Variants in RRN3 observed in about 807,000 individuals in gnomAD.
The protein encoded by RRN3 is RNA polymerase I transcription factor RRN3.
In RRN3, 38 loss-of-function variants were observed where a neutral mutation model predicts 82.3. The observed-to-expected ratio is 0.46, with a 90% CI of 0.36 to 0.61. RRN3 has a LOEUF of 0.61. RRN3 is among the 20% of genes least tolerant of loss of function. RRN3 has a pLI of 0.00. For missense variants in RRN3, 726 were observed against 793.1 expected, an observed-to-expected ratio of 0.92 and a Z score of 1.02; for synonymous variants, 284 against 284.3, an observed-to-expected ratio of 1.00 and a Z score of 0.01.
At chr16:15,070,918 T>C (rs1458357445) in intron 13 of RRN3, among the ~76,000 whole-genome samples, 1 of 152,152 alleles carries the variant, frequency 6.6e-6, no homozygotes, top group African/African-American at 2.4e-5. Flanking sequence ...ACAAAAGCCT[T>C]ACATACAGGG....
chr16:15,064,103 T>C (rs899813572), intron 16 of RRN3, among the ~76,000 whole-genome samples: 5 of 152,166 alleles, frequency 3.3e-5, no homozygotes, highest in South Asian at 2.1e-4. Flanking sequence ...TGCTTCCTTA[T>C]ACAAGTGCCA....
intron 15 of RRN3, 33 bp from the exon 16 acceptor site, chr16:15,065,404 A>C: frequency 3.1e-6 from 5 of 1,600,128 alleles, no homozygotes; most frequent in Non-Finnish European, 4.3e-6. Flanking sequence ...AGACAGAGGC[A>C]TTAACATGCT....
At chr16:15,084,973 G>A (rs1290281522) in intron 6 of RRN3, among the ~76,000 whole-genome samples, 1 of 152,054 alleles carries the variant, frequency 6.6e-6, no homozygotes, top group Non-Finnish European at 1.5e-5. Context: ...GGCTGAAGCA[G>A]GAGAACCACT....
chr16:15,080,019 A>T lies in RRN3; in HGVS notation c.744T>A (p.Ile248=). ...TTACATCCAACTTGAGTAGTTTTTC[A>T]ATAATAAGCTCCAGAATTTCATGCC... The part of the protein sequence containing the change: ...TLRHEILELI[I]EKLLKLDVNA... The change falls in exon 9 of 18, where the codon ATT becomes ATA. Residue 248 remains isoleucine, a synonymous_variant. Coordinates refer to ENST00000198767, the MANE Select transcript of RRN3 (RefSeq NM_018427.5). 1.3e-6 allele frequency: 2 copies of T among 1,598,274 alleles called. No homozygotes were observed. Among genetic ancestry groups the T allele is most frequent in the Non-Finnish European group, 1.7e-6 (2 of 1,172,598 alleles).
Position 15,063,215 on chromosome 16 carries a change from A to G in RRN3, c.1775T>C (p.Phe592Ser), listed in dbSNP as rs759927791. 4.3e-6 allele frequency: 7 copies of G among 1,611,640 alleles called. No individual in the cohort carries two copies. The highest frequency in any genetic ancestry group is 3.4e-6 in the Non-Finnish European group (4 of 1,177,898). The change falls in exon 17 of 18, where the codon TTC becomes TCC. Residue 592 changes from phenylalanine (F) to serine (S), a missense_variant. By Grantham distance (155) the Phe-to-Ser change is radical (BLOSUM62 -2). Coordinates refer to ENST00000198767, the MANE Select transcript of RRN3 (RefSeq NM_018427.5). ...EDMSAEELQE[F>S]KKPMKKDIVE... ...ACTGACCTTTTTCATGGGTTTCTTG[A>G]ACTCCTGTAGCTCTTCAGCACTCAT...
At chr16:15,081,690 G>C (rs2045709481) in intron 8 of RRN3, among the ~76,000 whole-genome samples, 1 of 152,154 alleles carries the variant, frequency 6.6e-6, no homozygotes, top group Non-Finnish European at 1.5e-5. Context: ...AAGTACAATT[G>C]ATGCATTTTT....
chr16:15,070,360 T>C lies in RRN3; in HGVS notation c.1260-106A>G, dbSNP rs536077739. 3.5e-4 allele frequency: 266 copies of C among 763,546 alleles called. 2 individuals are homozygous for C. In the African/African-American group the frequency reaches 4.3e-3, roughly 12 times the overall value. The allele number at this position is 763,546 out of a possible 1,614,324, so 47.3% of individuals were successfully genotyped here. On this transcript the variant is annotated intron_variant, in intron 13 of 17. Coordinates refer to ENST00000198767, the MANE Select transcript of RRN3 (RefSeq NM_018427.5). ...TTACAAACCATGCTAAGTAAGTTCATAGGTTTCTTTAAATAATACCCATGG... is the reference window on the plus strand; with the variant it reads ...TTACAAACCATGCTAAGTAAGTTCACAGGTTTCTTTAAATAATACCCATGG...
chr16:15,072,259 A>AAAG (rs1167064106), intron 12 of RRN3, among the ~76,000 whole-genome samples: 2 of 151,454 alleles, frequency 1.3e-5, no homozygotes, highest in African/African-American at 4.8e-5. Context: ...AAAAAAAAAA[A>AAAG]AAGAAGAAGA....
chr16:15,090,361 T>C (rs2377195), intron 3 of RRN3, among the ~76,000 whole-genome samples: 1 of 152,236 alleles, frequency 6.6e-6, no homozygotes, highest in African/African-American at 2.4e-5. Context: ...ATGACAATTA[T>C]TGCCCTTACT....
chr16:15,061,836 T>A lies in RRN3; in HGVS notation c.1864A>T (p.Ile622Phe), dbSNP rs775420157. The change falls in exon 18 of 18, where the codon ATC (isoleucine) becomes TTC (phenylalanine). Residue 622 changes from isoleucine (I) to phenylalanine (F), a missense_variant. Coordinates refer to ENST00000198767, the MANE Select transcript of RRN3 (RefSeq NM_018427.5). ...TGCGTGTCAAAGGAGCTTGGTGTGA[T>A]CCCAATCACGGTATCATTCTGGGGC... is the stretch of plus-strand genomic sequence containing the variant. The part of the protein sequence containing the change: ...EVPQNDTVIG[I>F]TPSSFDTHFR... 8 of 1,614,168 alleles carry A rather than the reference T, an allele frequency of 5.0e-6. No homozygotes were observed. In the Middle Eastern group the frequency reaches 4.9e-4, roughly 100 times the overall value.
intron 9 of RRN3, among the ~76,000 whole-genome samples, chr16:15,079,317 GT>G (rs1484966093): frequency 1.3e-5 from 2 of 152,084 alleles, no homozygotes; most frequent in African/African-American, 4.8e-5. Context: ...CTTAAACAAA[GT>G]TTTAACTGTT....
chr16:15,088,996 AAC>A (rs2046014278), intron 3 of RRN3, among the ~76,000 whole-genome samples: 1 of 152,106 alleles, frequency 6.6e-6, no homozygotes, highest in Non-Finnish European at 1.5e-5. Flanking sequence ...AAATGCATCT[AAC>A]AGACAGTTAA....
At position 15,085,581 on chromosome 16, in the gene RRN3, G is replaced by T. The variant is rs1008004305; in HGVS notation, c.532+58C>A. 4 of 1,591,092 alleles carry T rather than the reference G, an allele frequency of 2.5e-6. No individual in the cohort carries two copies. The Admixed American group carries it at 7.1e-5, about 28-fold the overall frequency. On this transcript the variant is annotated intron_variant, in intron 6 of 17. Transcript: ENST00000198767. ...GATCCTCCCGTCTTGGCTTCCCAAA[G>T]TGCTGGGATTATGGGTGAAAGCTAC...
intron 12 of RRN3, among the ~76,000 whole-genome samples, chr16:15,072,226 TCTA>T (rs1036857604): frequency 1.2e-4 from 16 of 138,958 alleles, no homozygotes; most frequent in Non-Finnish European, 2.5e-4. Flanking sequence ...GGAAAAGCCT[TCTA>T]CATTCTTTCC....
At chr16:15,092,743 C>T in intron 1 of RRN3, 129 bp from the exon 2 acceptor site, 1 of 645,012 alleles carries the variant, frequency 1.6e-6, no homozygotes, top group Non-Finnish European at 2.8e-6. Flanking sequence ...TCCCTGCTTC[C>T]ACTCTTAACC....
chr16:15,094,117 A>G, intron 1 of RRN3, 28 bp downstream of exon 1: 3 of 1,567,758 alleles, frequency 1.9e-6, no homozygotes, highest in Non-Finnish European at 2.6e-6. Flanking sequence ...CGTCCCAGAT[A>G]CGCAGAAGGA....
intron 16 of RRN3, among the ~76,000 whole-genome samples, chr16:15,064,973 C>T (rs181518024): frequency 1.7e-4 from 26 of 152,180 alleles, no homozygotes; most frequent in Middle Eastern, 3.4e-3. Flanking sequence ...GAGAACATCC[C>T]GGCTAACACA....
chr16:15,077,825 G>T (rs1179020451), intron 9 of RRN3, among the ~76,000 whole-genome samples: 2 of 152,186 alleles, frequency 1.3e-5, no homozygotes, highest in Non-Finnish European at 2.9e-5. Context: ...TGGGCAAGAA[G>T]CGAGACACCA....
At chr16:15,085,998 T>C (rs146007965) in intron 5 of RRN3, 131 bp downstream of exon 5, 32,810 of 655,998 alleles carry the variant, frequency 0.05, 1,075 homozygotes, top group African/African-American at 0.12. Context: ...ACGGGGAATA[T>C]ATGTCTACCA....
Sources: gnomAD v4.1 joint callset for allele counts (sites outside exome capture counted in the v4.1 genomes callset) on GRCh38, gnomAD v4.1.1 for gene constraint, MANE v1.5 for transcripts, NCBI Gene and HGNC (gene_info 2026-07-23, HGNC 2026-07-21) for gene names.